KALRN: variants seen among roughly 807,000 people sequenced by gnomAD.
KALRN encodes kalirin RhoGEF kinase.
A neutral mutation model predicts 353.7 loss-of-function variants in KALRN; 70 were observed. The observed-to-expected ratio is 0.20, with a 90% confidence interval of 0.16 to 0.24. The LOEUF (loss-of-function observed/expected upper bound fraction) is 0.24, where lower values mean the gene tolerates loss of function less well. KALRN is among the 10% of genes least tolerant of loss of function. The probability of loss-of-function intolerance (pLI) is 1.00; values close to 1 mark genes in which losing one functional copy is unlikely to be tolerated. For synonymous variants in KALRN, 1,391 were observed against 1,434.8 expected (o/e 0.97, Z 0.69); for missense variants, 2,791 against 3,756.7 (o/e 0.74, Z 6.72).
chr3:124,662,815 G>A (rs1266628285), intron 45 of KALRN, among the ~76,000 whole-genome samples: 4 of 152,184 alleles, frequency 2.6e-5, no homozygotes, highest in African/African-American at 9.7e-5. Flanking sequence ...TGAAATCAAG[G>A]TACTGTCAGG....
intron 1 of KALRN, chr3:124,151,837 C>T: frequency 2.5e-6 from 1 of 405,238 alleles, no homozygotes. Flanking sequence ...ATCAGTAATT[C>T]ATTTGGAAAT....
At chr3:124,404,656 C>CTTT (rs34848980) in intron 13 of KALRN, among the ~76,000 whole-genome samples, 4 of 131,446 alleles carry the variant, frequency 3.0e-5, no homozygotes, top group Admixed American at 7.8e-5. Context: ...TAGTCTTTTT[C>CTTT]TTTTTTTTTT....
chr3:124,688,603 AT>A (rs1217839910), intron 51 of KALRN, among the ~76,000 whole-genome samples: 1 of 152,074 alleles, frequency 6.6e-6, no homozygotes, highest in East Asian at 1.9e-4. Context: ...GGTTTAGGGT[AT>A]TTGGTTTATG....
intron 45 of KALRN, among the ~76,000 whole-genome samples, chr3:124,662,463 A>G (rs1443060048): frequency 2.0e-5 from 3 of 152,132 alleles, no homozygotes; most frequent in Admixed American, 6.5e-5. Context: ...TAGACCTGAT[A>G]GTGACCTCTT....
At chr3:124,624,116 T>C (rs1262891701) in intron 34 of KALRN, among the ~76,000 whole-genome samples, 1 of 152,216 alleles carries the variant, frequency 6.6e-6, no homozygotes, top group African/African-American at 2.4e-5. Context: ...TGTCACACCA[T>C]CCTACTCCGT....
chr3:124,154,235 A>G (rs546637168), intron 1 of KALRN, among the ~76,000 whole-genome samples: 4 of 152,312 alleles, frequency 2.6e-5, no homozygotes, highest in Admixed American at 6.5e-5. Flanking sequence ...ACTTCTATTC[A>G]ACATAGTGTT....
chr3:124,099,270 A>G (rs1379422948), intron 1 of KALRN: 1 of 152,206 alleles, frequency 6.6e-6, no homozygotes, highest in East Asian at 1.9e-4. Flanking sequence ...ACACCGTAAG[A>G]TGAACTTTTT....
At position 124,632,394 on chromosome 3, in the gene KALRN, T is replaced by C. The variant is rs1036352466; in HGVS notation, c.5183-26T>C. ...CGGCCTGCCTTCACCACCTCTGACA[T>C]GGCTGTGTCTGTCCGTTTTCCTCAG... On this transcript the variant is annotated intron_variant, in intron 34 of 59. Transcript: ENST00000682506. The C allele has an allele frequency of 2.5e-6, 4 of 1,609,970 alleles. No homozygotes were observed. In the African/African-American group the frequency reaches 5.3e-5, roughly 22 times the overall value.
chr3:124,530,973 G>A (rs1359128284), intron 33 of KALRN, among the ~76,000 whole-genome samples: 1 of 152,172 alleles, frequency 6.6e-6, no homozygotes, highest in Non-Finnish European at 1.5e-5. Context: ...CTTACTTCTT[G>A]TTAACACTAC....
At position 124,406,541 on chromosome 3, in the gene KALRN, A is replaced by G. The variant is rs112850364; in HGVS notation, c.2347-6929A>G. Among the ~76,000 whole-genome samples, 17 of 152,320 alleles carry G rather than the reference A, an allele frequency of 1.1e-4. No homozygotes were observed. The East Asian group carries it at 3.3e-3, about 29-fold the overall frequency. On this transcript the variant is annotated intron_variant, in intron 13 of 59. Transcript: ENST00000682506. ...CTTCCACTTTCCTCATCTTCACAAA[A>G]ATAATGATGTCATAAAACAGAAAGA...
rs551334103 is a variant in KALRN at position 124,652,181 on chromosome 3, A to G, written c.5795+1243A>G. 5.8e-4 allele frequency among the ~76,000 whole-genome samples: 89 copies of G among 152,330 alleles called. No homozygotes were observed. The South Asian group carries it at 6.2e-3, about 11-fold the overall frequency. ...GAGGCCAGGTCCTTCTGTTACCTAG[A>G]AATGTACAAAGTGTCTATTTATGAG... On this transcript the variant is annotated intron_variant, in intron 38 of 59. Transcript: ENST00000682506.
intron 34 of KALRN, among the ~76,000 whole-genome samples, chr3:124,589,350 C>A (rs139925983): frequency 2.6e-5 from 4 of 152,326 alleles, no homozygotes; most frequent in Non-Finnish European, 4.4e-5. Context: ...AATCCCAGCA[C>A]TTTGGAAGGC....
chr3:124,679,634 A>G (rs944778954), intron 51 of KALRN, 117 bp downstream of exon 51: 1 of 849,028 alleles, frequency 1.2e-6, no homozygotes, highest in Non-Finnish European at 2.1e-6. Flanking sequence ...ATGTTGGGGC[A>G]TCTCTGGGTA....
intron 21 of KALRN, among the ~76,000 whole-genome samples, chr3:124,450,807 C>T (rs1354755628): frequency 3.9e-5 from 6 of 152,098 alleles, no homozygotes; most frequent in Admixed American, 3.9e-4. Context: ...AGGTGATCCA[C>T]CTGCCTTTGC....
At position 124,594,155 on chromosome 3, in the gene KALRN, G is replaced by T. The variant is rs182348195; in HGVS notation, c.5182+31066G>T. Reference sequence around the variant, plus strand: ...TGTTTACCGCTTTTTACTTAAATGGGTTCATTTTTACATGCTGCTTTTATA... The same window carrying T: ...TGTTTACCGCTTTTTACTTAAATGGTTTCATTTTTACATGCTGCTTTTATA... On this transcript the variant is annotated intron_variant, in intron 34 of 59. Coordinates refer to ENST00000682506, the MANE Select transcript of KALRN (RefSeq NM_001388419.1). Among the ~76,000 whole-genome samples the T allele has an allele frequency of 3.3e-5, 5 of 152,230 alleles. No individual in the cohort carries two copies. In the East Asian group the frequency reaches 9.6e-4, roughly 29 times the overall value.
At chr3:124,694,208 A>G in intron 52 of KALRN, 124 bp from the exon 53 acceptor site, 1 of 918,636 alleles carries the variant, frequency 1.1e-6, no homozygotes, top group Admixed American at 2.1e-5. Flanking sequence ...CCAGTGTTAT[A>G]CTGAAGGTTA....
At chr3:124,299,630 A>G (rs1004645307) in intron 6 of KALRN, among the ~76,000 whole-genome samples, 11 of 152,178 alleles carry the variant, frequency 7.2e-5, no homozygotes, top group African/African-American at 1.4e-4. Flanking sequence ...CCTTATGTAT[A>G]AAATGGAAAT....
At chr3:124,713,214 G>T in intron 58 of KALRN, 79 bp downstream of exon 58, 1 of 1,265,184 alleles carries the variant, frequency 7.9e-7, no homozygotes, top group Non-Finnish European at 1.1e-6. Flanking sequence ...GGAAAAGACA[G>T]TTACATTTTA....
chr3:124,690,440 C>G (rs1023680386), intron 51 of KALRN, among the ~76,000 whole-genome samples: 1 of 152,096 alleles, frequency 6.6e-6, no homozygotes, highest in African/African-American at 2.4e-5. Context: ...TTAGTGTGGA[C>G]CTTGCCCAGG....
Sources: allele counts gnomAD v4.1 joint callset (sites outside exome capture counted in the v4.1 genomes callset), GRCh38; gene constraint gnomAD v4.1.1; transcripts MANE v1.5; gene names NCBI Gene and HGNC (gene_info 2026-07-23, HGNC 2026-07-21).